SIPA1L1: variants seen among roughly 807,000 people sequenced by gnomAD.
SIPA1L1 encodes the protein signal induced proliferation associated 1 like 1, also known as signal-induced proliferation-associated 1-like protein 1.
Under a neutral mutation model 162.7 loss-of-function variants are expected in SIPA1L1, and 26 were observed. The ratio of observed to expected loss-of-function variants is 0.16; its 90% CI spans 0.12 to 0.22. SIPA1L1 has a LOEUF of 0.22. Among genes scored for constraint, SIPA1L1 ranks in the 10% least tolerant of loss-of-function variants. SIPA1L1 has a pLI of 1.00. For missense variants in SIPA1L1, 1,874 were observed against 2,241.0 expected, an observed-to-expected ratio of 0.84 and a Z score of 3.31; for synonymous variants, 829 against 837.4, an observed-to-expected ratio of 0.99 and a Z score of 0.17.
intron 2 of SIPA1L1, among the ~76,000 whole-genome samples, chr14:71,475,722 A>T (rs2047794670): frequency 6.6e-6 from 1 of 152,232 alleles, no homozygotes; most frequent in African/African-American, 2.4e-5. Context: ...GAATGGCCAG[A>T]GCTATGTACA....
chr14:71,528,253 A>G (rs992958781), intron 3 of SIPA1L1, among the ~76,000 whole-genome samples: 2 of 152,154 alleles, frequency 1.3e-5, no homozygotes, highest in African/African-American at 4.8e-5. Context: ...CAAGTTAAGG[A>G]ATTTAGAAAT....
At chr14:71,477,610 G>C (rs144374800) in intron 2 of SIPA1L1, among the ~76,000 whole-genome samples, 211 of 152,316 alleles carry the variant, frequency 1.4e-3, no homozygotes, top group Non-Finnish European at 2.5e-3. Context: ...CCTAGATCAT[G>C]TTTTGAAGCT....
intron 12 of SIPA1L1, among the ~76,000 whole-genome samples, chr14:71,682,533 A>G (rs1361608736): frequency 6.6e-6 from 1 of 152,214 alleles, no homozygotes; most frequent in African/African-American, 2.4e-5. Flanking sequence ...TTGTTTATGA[A>G]TGAATCTTCT....
chr14:71,454,103 C>T (rs1407157718), intron 2 of SIPA1L1, among the ~76,000 whole-genome samples: 3 of 151,604 alleles, frequency 2.0e-5, no homozygotes, highest in Admixed American at 6.6e-5. Flanking sequence ...CTGAACAAAC[C>T]CTGTGTTCCC....
intron 13 of SIPA1L1, among the ~76,000 whole-genome samples, chr14:71,696,471 C>A (rs1403992228): frequency 6.6e-6 from 1 of 152,226 alleles, no homozygotes; most frequent in African/African-American, 2.4e-5. Context: ...TATTAACTTT[C>A]AGTCTGTTAC....
chr14:71,589,473 ATG>A, intron 5 of SIPA1L1, 103 bp downstream of exon 5: 1 of 674,836 alleles, frequency 1.5e-6, no homozygotes, highest in Non-Finnish European at 2.4e-6. Context: ...TAAGATTTGC[ATG>A]TCTTATCTTT....
At chr14:71,341,144 G>A (rs1308100003) in intron 2 of SIPA1L1, among the ~76,000 whole-genome samples, 1 of 152,168 alleles carries the variant, frequency 6.6e-6, no homozygotes, top group African/African-American at 2.4e-5. Context: ...GAAGTCCAAG[G>A]CCCGGGATTG....
intron 2 of SIPA1L1, among the ~76,000 whole-genome samples, chr14:71,491,761 AAC>A (rs59275638): frequency 0.087 from 8,538 of 97,824 alleles, 298 homozygotes; most frequent in Middle Eastern, 0.11. Context: ...TTTTATTTCA[AAC>A]ACACACACAC....
chr14:71,642,549 A>T (rs896715840), intron 7 of SIPA1L1, among the ~76,000 whole-genome samples: 1 of 152,232 alleles, frequency 6.6e-6, no homozygotes, highest in East Asian at 1.9e-4. Flanking sequence ...AAAAGCAAGA[A>T]CTACAAGGCT....
chr14:71,406,447 G>C (rs1361617945), intron 2 of SIPA1L1, among the ~76,000 whole-genome samples: 1 of 152,074 alleles, frequency 6.6e-6, no homozygotes, highest in Non-Finnish European at 1.5e-5. Flanking sequence ...TGGGGTCAAA[G>C]AACCATTGGG....
chr14:71,437,141 T>G (rs1415561203), intron 2 of SIPA1L1, among the ~76,000 whole-genome samples: 2 of 152,184 alleles, frequency 1.3e-5, no homozygotes, highest in African/African-American at 4.8e-5. Flanking sequence ...TTAAAATTTT[T>G]AAAGCATTGA....
In SIPA1L1 at chr14:71,685,531, C is replaced by T. The variant is rs772353456; in HGVS notation, c.3274C>T (p.Arg1092Trp). The T allele has an allele frequency of 2.8e-5, 46 of 1,614,038 alleles. 2 individuals carry two copies. Among genetic ancestry groups the T allele is most frequent in the South Asian group, 2.5e-4 (23 of 91,086 alleles). The change falls in exon 13 of 24, where the codon CGG (arginine) becomes TGG (tryptophan). Residue 1092 changes from arginine (R) to tryptophan (W), a missense_variant. Physicochemically the swap from Arg to Trp is moderately radical, Grantham distance 101. Around this residue, in one of 5 missense-constraint regions of SIPA1L1, gnomAD observed 936 missense variants for 1,051.9 expected, o/e 0.89. Coordinates refer to ENST00000381232, the MANE Select transcript of SIPA1L1 (RefSeq NM_001386936.1). ...PSQVQSPMTS[R>W]LNAGKGDGKM... is the part of the protein sequence containing the mutation. ...CCAGGTGCAGAGTCCCATGACCTCG[C>T]GGCTGAATGCTGGAAAAGGAGATGG...
intron 2 of SIPA1L1, among the ~76,000 whole-genome samples, chr14:71,336,744 G>A (rs978874524): frequency 4.6e-5 from 7 of 152,190 alleles, no homozygotes; most frequent in Non-Finnish European, 7.3e-5. Context: ...ATGTGATTGC[G>A]TAATTGTTTT....
chr14:71,544,299 C>A (rs1335132440), intron 4 of SIPA1L1, among the ~76,000 whole-genome samples: 1 of 146,410 alleles, frequency 6.8e-6, no homozygotes, highest in Non-Finnish European at 1.5e-5. Context: ...ACATATATAT[C>A]ATGTGTGTAT....
At chr14:71,420,098 C>G (rs887807726) in intron 2 of SIPA1L1, among the ~76,000 whole-genome samples, 23 of 152,094 alleles carry the variant, frequency 1.5e-4, no homozygotes, top group Non-Finnish European at 1.5e-5. Flanking sequence ...CGTTTCTTCC[C>G]TGGATTTATT....
intron 8 of SIPA1L1, among the ~76,000 whole-genome samples, chr14:71,655,733 A>T (rs1252924007): frequency 6.6e-6 from 1 of 151,978 alleles, no homozygotes; most frequent in African/African-American, 2.4e-5. Flanking sequence ...GATGTTGAGC[A>T]TTTTTTCATG....
intron 2 of SIPA1L1, among the ~76,000 whole-genome samples, chr14:71,456,150 AAT>A (rs1213870376): frequency 2.6e-5 from 4 of 152,228 alleles, no homozygotes; most frequent in Non-Finnish European, 5.9e-5. Flanking sequence ...TTCTTTTACT[AAT>A]ATGTGTAAAA....
At chr14:71,562,861 G>C (rs1007059823) in intron 4 of SIPA1L1, among the ~76,000 whole-genome samples, 7 of 152,140 alleles carry the variant, frequency 4.6e-5, no homozygotes, top group African/African-American at 1.7e-4. Context: ...TGCCATGTTG[G>C]TGAGGCTGGT....
chr14:71,595,637 C>G (rs2035944600), intron 5 of SIPA1L1, among the ~76,000 whole-genome samples: 1 of 152,202 alleles, frequency 6.6e-6, no homozygotes, highest in Non-Finnish European at 1.5e-5. Context: ...TGTCCCCAGG[C>G]TTTCTCCTTA....
Sources: allele counts gnomAD v4.1 joint callset (sites outside exome capture counted in the v4.1 genomes callset), GRCh38; gene constraint gnomAD v4.1.1; regional missense constraint gnomAD v4.1.1; transcripts MANE v1.5; gene names NCBI Gene and HGNC (gene_info 2026-07-23, HGNC 2026-07-21).